TIAM2: variants seen among roughly 807,000 people sequenced by gnomAD.
The protein encoded by TIAM2 is rho guanine nucleotide exchange factor TIAM2.
TIAM2 carries 80 observed loss-of-function variants against 152.9 expected under a neutral mutation model. The observed-to-expected ratio is 0.52, with a 90% CI of 0.44 to 0.63. The LOEUF (loss-of-function observed/expected upper bound fraction) is 0.63, where lower values mean the gene tolerates loss of function less well. Ranked by LOEUF, TIAM2 falls within the 30% of genes least tolerant of loss-of-function variation. TIAM2 has a pLI of 0.00. For synonymous variants in TIAM2, 804 were observed against 838.0 expected, an observed-to-expected ratio of 0.96 and a Z score of 0.70; for missense variants, 1,965 against 2,120.1, an observed-to-expected ratio of 0.93 and a Z score of 1.44.
chr6:155,012,585 C>T (rs1428340153), intron 1 of TIAM2, among the ~76,000 whole-genome samples: 3 of 152,120 alleles, frequency 2.0e-5, no homozygotes, highest in Non-Finnish European at 4.4e-5. Flanking sequence ...GAGTCTCACT[C>T]TGTAGCCCAG....
chr6:155,030,601 G>A (rs992086272), intron 1 of TIAM2, among the ~76,000 whole-genome samples: 1 of 152,142 alleles, frequency 6.6e-6, no homozygotes, highest in Admixed American at 6.6e-5. Flanking sequence ...TGTGGGGAAT[G>A]CTTGCCAATC....
Position 155,250,680 on chromosome 6 carries a change from T to TG in TIAM2, c.3952-232dup, listed in dbSNP as rs1348780858. Reference sequence around the variant, plus strand: ...TCACAAGGCATGTCTCACCTACATGTGCGTGCACTGGAGCAAAATGCCTTC... The same window carrying TG: ...TCACAAGGCATGTCTCACCTACATGTGGCGTGCACTGGAGCAAAATGCCTTC... On this transcript the variant is annotated intron_variant, in intron 21 of 26. Coordinates refer to ENST00000682666, the MANE Select transcript of TIAM2 (RefSeq NM_012454.4). 2.6e-5 allele frequency: 38 copies of TG among 1,468,772 alleles called. No individual in the cohort carries two copies. In the Admixed American group the frequency reaches 6.4e-4, roughly 25 times the overall value. The allele number at this position is 1,468,772 out of a possible 1,614,324, so 91.0% of individuals were successfully genotyped here.
intron 25 of TIAM2, 76 bp downstream of exon 25, chr6:155,254,136 T>C (rs1425350764): frequency 1.0e-5 from 15 of 1,469,970 alleles, no homozygotes; most frequent in Non-Finnish European, 1.3e-5. Flanking sequence ...TTATATTTAG[T>C]GCCCTCCTGA....
At position 155,213,729 on chromosome 6, in the gene TIAM2, G is replaced by C. The variant is rs550186500; in HGVS notation, c.3168+2422G>C. Among the ~76,000 whole-genome samples, 1 of 152,326 alleles carries C rather than the reference G, an allele frequency of 6.6e-6. No homozygotes were observed. Among genetic ancestry groups the C allele is most frequent in the South Asian group, 2.1e-4 (1 of 4,828 alleles). ...CTGTTTGTGCCAAAGGGTGCCTGCA[G>C]GCCAGGGCCGAGCTGCCCTCAGTCC... On this transcript the variant is annotated intron_variant, in intron 15 of 26. Transcript: ENST00000682666. This position sits in a 1 kb window ranked among gnomAD's most constrained non-coding sequence, Gnocchi z 4.2.
intron 2 of TIAM2, among the ~76,000 whole-genome samples, chr6:155,105,185 T>C (rs913566662): frequency 4.6e-5 from 7 of 151,888 alleles, no homozygotes; most frequent in African/African-American, 1.7e-4. Flanking sequence ...CTCAATCTCC[T>C]GTCTTGCTCT....
At position 155,077,572 on chromosome 6, in the gene TIAM2, G is replaced by A. The variant is rs1275755840; in HGVS notation, c.-208-12717G>A. Among the ~76,000 whole-genome samples, 4 of 152,128 alleles carry A rather than the reference G, an allele frequency of 2.6e-5. No individual in the cohort carries two copies. The East Asian group carries it at 7.7e-4, about 29-fold the overall frequency. On this transcript the variant is annotated intron_variant, in intron 1 of 26. Transcript: ENST00000682666. ...GCCTTTCGCTTGTTAAAAATATTTC[G>A]AAGTTTTTATTAGTGCTGCTTACGA...
intron 1 of TIAM2, among the ~76,000 whole-genome samples, chr6:155,090,059 A>G (rs1368260711): frequency 6.6e-6 from 1 of 152,192 alleles, no homozygotes; most frequent in Non-Finnish European, 1.5e-5. Flanking sequence ...TCATGACATT[A>G]TGAAATGAAG....
chr6:155,145,608 C>T (rs1779803568), intron 6 of TIAM2, among the ~76,000 whole-genome samples: 1 of 152,126 alleles, frequency 6.6e-6, no homozygotes, highest in Non-Finnish European at 1.5e-5. Context: ...AAATGTCCCC[C>T]ATCTAAACCC....
At position 155,246,909 on chromosome 6, in the gene TIAM2, G is replaced by C. The variant is rs75745098; in HGVS notation, c.3653-1091G>C. ...TTCCTTCAGAGTAGCTGCATTCCAAGCAACTGGGCATCCAGTGCCAACTGG... is the reference window on the plus strand; with the variant it reads ...TTCCTTCAGAGTAGCTGCATTCCAACCAACTGGGCATCCAGTGCCAACTGG... On this transcript the variant is annotated intron_variant, in intron 19 of 26. Coordinates refer to ENST00000682666, the MANE Select transcript of TIAM2 (RefSeq NM_012454.4). Among the ~76,000 whole-genome samples the C allele has an allele frequency of 7.2e-3, 1,097 of 152,370 alleles. 7 individuals carry two copies. Among genetic ancestry groups the C allele is most frequent in the Non-Finnish European group, 0.011 (735 of 68,034 alleles).
At chr6:155,113,327 G>A (rs977584294) in intron 2 of TIAM2, among the ~76,000 whole-genome samples, 23 of 151,910 alleles carry the variant, frequency 1.5e-4, no homozygotes, top group Non-Finnish European at 2.9e-4. Context: ...AGGCTTCCTC[G>A]CCTTTTAAAA....
chr6:155,069,702 A>G (rs938756758), intron 1 of TIAM2, among the ~76,000 whole-genome samples: 1 of 152,204 alleles, frequency 6.6e-6, no homozygotes, highest in Admixed American at 6.5e-5. Flanking sequence ...GCTAAAATAT[A>G]TTAGAAAAAT....
chr6:155,188,986 C>T (rs1781121427), intron 14 of TIAM2, among the ~76,000 whole-genome samples: 3 of 152,282 alleles, frequency 2.0e-5, no homozygotes, highest in African/African-American at 7.2e-5. Flanking sequence ...AGCCTCCACG[C>T]CCCCTTTGAA....
At chr6:155,014,679 T>C (rs904774550) in intron 1 of TIAM2, among the ~76,000 whole-genome samples, 1 of 152,226 alleles carries the variant, frequency 6.6e-6, no homozygotes, top group African/African-American at 2.4e-5. Context: ...TTCTTGTCAT[T>C]TTATATTATG....
At chr6:155,091,649 A>G (rs556094228) in intron 2 of TIAM2, among the ~76,000 whole-genome samples, 393 of 152,348 alleles carry the variant, frequency 2.6e-3, no homozygotes, top group African/African-American at 8.8e-3. Flanking sequence ...TTAAAGCTAG[A>G]AATTTTGATC....
intron 15 of TIAM2, among the ~76,000 whole-genome samples, chr6:155,229,340 T>C (rs760262445): frequency 3.3e-5 from 5 of 152,182 alleles, no homozygotes; most frequent in Non-Finnish European, 7.3e-5. Context: ...CTTGTAAAAA[T>C]AGAAGAACTT....
rs1399877962 is a variant in TIAM2, at chr6:155,240,609, A to G, written c.3248A>G (p.Gln1083Arg). Residue 1083 changes from glutamine (Q) to arginine (R), a missense_variant, in exon 16 of 27, where the codon CAG (glutamine) becomes CGG (arginine). Gln to Arg is a conservative substitution (Grantham distance 43, BLOSUM62 1). Coordinates refer to ENST00000682666, the MANE Select transcript of TIAM2 (RefSeq NM_012454.4). ...GGCATGGAAGGACCGCGGGAGAATC[A>G]GGATCCTCCTCCGAGGTCTCTGGCC... The part of the protein sequence containing the change: ...ANGMEGPREN[Q>R]DPPPRSLARH... The G allele has an allele frequency of 2.5e-6, 4 of 1,614,054 alleles. No individual in the cohort carries two copies. Among genetic ancestry groups the G allele is most frequent in the Non-Finnish European group, 3.4e-6 (4 of 1,180,036 alleles).
chr6:155,040,879 T>G (rs150364030), intron 1 of TIAM2, among the ~76,000 whole-genome samples: 127 of 152,210 alleles, frequency 8.3e-4, no homozygotes, highest in African/African-American at 3.0e-3. Flanking sequence ...AAATAACAGG[T>G]CTTCATATCA....
Position 155,130,160 on chromosome 6 carries a change from C to A in TIAM2, c.937C>A (p.Pro313Thr). 1 of 1,614,184 alleles carries A rather than the reference C, an allele frequency of 6.2e-7. No homozygotes were observed. Among genetic ancestry groups the A allele is most frequent in the Non-Finnish European group, 8.5e-7 (1 of 1,180,040 alleles). Residue 313 changes from proline to threonine, a missense_variant, in exon 4 of 27, where the codon CCC becomes ACC. Around this residue, in one of 3 missense-constraint regions of TIAM2, gnomAD observed 1,025 missense variants for 1,119.4 expected, o/e 0.92. Transcript: ENST00000682666. Reference sequence around the variant, plus strand: ...AGATGCCAACCTGGGGAGCCTCTCCCCCTCAGGTATCCGCCTTTCTGATGA... The same window carrying A: ...AGATGCCAACCTGGGGAGCCTCTCCACCTCAGGTATCCGCCTTTCTGATGA... ...YKDANLGSLS[P>T]SGIRLSDEYM...
intron 14 of TIAM2, among the ~76,000 whole-genome samples, chr6:155,187,020 G>T (rs1322908004): frequency 6.6e-6 from 1 of 152,074 alleles, no homozygotes; most frequent in Admixed American, 6.6e-5. Context: ...AAGAAGACCT[G>T]TTTTTTTAAA....
Sources: gnomAD v4.1 joint callset for allele counts (sites outside exome capture counted in the v4.1 genomes callset) on GRCh38, gnomAD v4.1.1 for gene constraint, gnomAD v4.1.1 regional missense constraint, Gnocchi (gnomAD v3.1) non-coding constraint, MANE v1.5 for transcripts, NCBI Gene and HGNC (gene_info 2026-07-23, HGNC 2026-07-21) for gene names.